The following BAIAP2 variants were observed in gnomAD, a reference collection of about 807,000 sequenced individuals.
BAIAP2 encodes the protein BAR/IMD domain-containing adapter protein 2.
Under a neutral mutation model 63.0 loss-of-function variants are expected in BAIAP2, and 18 were observed. The observed-to-expected ratio is 0.29, with a 90% CI of 0.20 to 0.42. The LOEUF (loss-of-function observed/expected upper bound fraction) is 0.42, where lower values mean the gene tolerates loss of function less well. Among genes scored for constraint, BAIAP2 ranks in the 10% least tolerant of loss-of-function variants. BAIAP2 has a pLI of 1.00. For synonymous variants in BAIAP2, 386 were observed against 307.6 expected (o/e 1.25, Z -2.67); for missense variants, 610 against 734.3 (o/e 0.83, Z 1.96).
At chr17:81,079,640 T>C (rs1437888205) in intron 3 of BAIAP2, among the ~76,000 whole-genome samples, 1 of 152,132 alleles carries the variant, frequency 6.6e-6, no homozygotes, top group Non-Finnish European at 1.5e-5. Context: ...ACCTACATCC[T>C]GAGGCGTGGC....
In BAIAP2 at chr17:81,099,975, G is replaced by A. The variant is rs770523323; in HGVS notation, c.537G>A (p.Val179=). Residue 179 remains valine (V), a synonymous_variant, in exon 7 of 14, where the codon GTG becomes GTA. Transcript: ENST00000428708. ...AGCAGGGCGAGCTGGAGAATTACGTGTCCGACGGCTACAAGACCGCACTGA... is the reference window on the plus strand; with the variant it reads ...AGCAGGGCGAGCTGGAGAATTACGTATCCGACGGCTACAAGACCGCACTGA... ...SNKQGELENY[V]SDGYKTALTE... is the part of the protein sequence containing the mutation. 4 of 1,613,376 alleles carry A rather than the reference G, an allele frequency of 2.5e-6. No homozygotes were observed. In the African/African-American group the frequency reaches 4.0e-5, roughly 16 times the overall value.
chr17:81,042,484 A>G (rs59873854), intron 1 of BAIAP2, among the ~76,000 whole-genome samples: 3,549 of 152,148 alleles, frequency 0.023, 134 homozygotes, highest in African/African-American at 0.081. Context: ...TTTTCAGACA[A>G]CGGCCAGGCC....
intron 1 of BAIAP2, among the ~76,000 whole-genome samples, chr17:81,039,583 C>T (rs1048267380): frequency 6.6e-6 from 1 of 152,150 alleles, no homozygotes; most frequent in Non-Finnish European, 1.5e-5. Context: ...TTGGTTGGCT[C>T]GTGGTACTGC....
intron 6 of BAIAP2, among the ~76,000 whole-genome samples, chr17:81,095,357 G>A (rs185898911): frequency 5.8e-4 from 89 of 152,280 alleles, no homozygotes; most frequent in Non-Finnish European, 9.9e-4. Flanking sequence ...CCAACAGCAG[G>A]TCACAGTTGG....
intron 3 of BAIAP2, among the ~76,000 whole-genome samples, chr17:81,081,664 C>G (rs1037846940): frequency 1.3e-5 from 2 of 152,204 alleles, no homozygotes; most frequent in Non-Finnish European, 1.5e-5. Context: ...GTCGAGTGAG[C>G]CTGGGGTAGG....
intron 13 of BAIAP2, chr17:81,109,178 T>A: frequency 7.1e-7 from 1 of 1,415,710 alleles, no homozygotes. Context: ...ATGGTGCTGC[T>A]CCATCCGCCC....
At chr17:81,102,999 A>G (rs2058696869) in intron 7 of BAIAP2, among the ~76,000 whole-genome samples, 1 of 152,200 alleles carries the variant, frequency 6.6e-6, no homozygotes, top group Non-Finnish European at 1.5e-5. Flanking sequence ...CAGGCCGCAG[A>G]GTACGCCCGA....
At chr17:81,080,308 T>C (rs1299819106) in intron 3 of BAIAP2, among the ~76,000 whole-genome samples, 1 of 152,266 alleles carries the variant, frequency 6.6e-6, no homozygotes, top group Admixed American at 6.5e-5. Flanking sequence ...CGTGGTTTCC[T>C]GCAGCTGCCT....
At chr17:81,109,132 G>C in intron 13 of BAIAP2, 1 of 1,452,508 alleles carries the variant, frequency 6.9e-7, no homozygotes, top group Non-Finnish European at 9.1e-7. Flanking sequence ...ATGCCTTTTG[G>C]TTGGTGACCC....
At chr17:81,091,729 A>G (rs1598738372) in intron 6 of BAIAP2, among the ~76,000 whole-genome samples, 1 of 152,350 alleles carries the variant, frequency 6.6e-6, no homozygotes, top group East Asian at 1.9e-4. Context: ...ACCCCACGCA[A>G]GGGTGGCCTG....
At chr17:81,099,880 A>G (rs1253134652) in intron 6 of BAIAP2, 48 bp from the exon 7 acceptor site, 34 of 1,596,872 alleles carry the variant, frequency 2.1e-5, no homozygotes, top group Non-Finnish European at 2.7e-5. Flanking sequence ...CGGTCCTGAC[A>G]GGCGTCCTTC....
At chr17:81,110,514 C>T (rs1026722136) in intron 13 of BAIAP2, 6 of 1,073,048 alleles carry the variant, frequency 5.6e-6, no homozygotes, top group Admixed American at 4.9e-5. Context: ...ATTTATTGCA[C>T]GAGTTGGGTA....
chr17:81,079,280 C>T (rs1331908207), intron 3 of BAIAP2, among the ~76,000 whole-genome samples: 1 of 152,170 alleles, frequency 6.6e-6, no homozygotes, highest in Non-Finnish European at 1.5e-5. Flanking sequence ...GCTGGGCTCC[C>T]TGGTCACAGG....
intron 2 of BAIAP2, among the ~76,000 whole-genome samples, chr17:81,055,191 C>T (rs72852923): frequency 0.089 from 13,621 of 152,196 alleles, 787 homozygotes; most frequent in East Asian, 0.31. Flanking sequence ...GGTCAGCCCT[C>T]GTTCCTTTTT....
At chr17:81,109,155 T>TC (rs1350589273) in intron 13 of BAIAP2, 5 of 1,433,380 alleles carry the variant, frequency 3.5e-6, no homozygotes, top group Non-Finnish European at 4.6e-6. Context: ...GACTCTGTGA[T>TC]CCCCCAGGGT....
intron 3 of BAIAP2, among the ~76,000 whole-genome samples, chr17:81,081,049 C>G (rs1351371811): frequency 1.3e-5 from 2 of 152,208 alleles, no homozygotes; most frequent in South Asian, 2.1e-4. Flanking sequence ...GGTGGGTTCC[C>G]CCTCTCAGGC....
At chr17:81,057,568 C>T in intron 2 of BAIAP2, 3 of 999,770 alleles carry the variant, frequency 3.0e-6, no homozygotes, top group Non-Finnish European at 3.7e-6. Flanking sequence ...TACAACACTC[C>T]CTCCCCCCGG....
chr17:81,081,600 C>G (rs2054617477), intron 3 of BAIAP2, among the ~76,000 whole-genome samples: 1 of 152,194 alleles, frequency 6.6e-6, no homozygotes, highest in South Asian at 2.1e-4. Flanking sequence ...CTCCTTTATA[C>G]CAAATTCTGT....
intron 6 of BAIAP2, among the ~76,000 whole-genome samples, chr17:81,093,235 C>G (rs1304454447): frequency 6.6e-6 from 1 of 152,100 alleles, no homozygotes; most frequent in African/African-American, 2.4e-5. Context: ...GGCCCCTGCT[C>G]AGAATCGCAC....
Sources: gnomAD v4.1 joint callset for allele counts (sites outside exome capture counted in the v4.1 genomes callset) on GRCh38, gnomAD v4.1.1 for gene constraint, MANE v1.5 for transcripts, NCBI Gene and HGNC (gene_info 2026-07-23, HGNC 2026-07-21) for gene names.